Variants in USP44 observed in about 807,000 individuals in gnomAD.
The protein encoded by USP44 is ubiquitin carboxyl-terminal hydrolase 44.
A neutral mutation model predicts 69.0 loss-of-function variants in USP44; 61 were observed. The observed-to-expected ratio is 0.88, with a 90% CI of 0.72 to 1.09. The LOEUF (loss-of-function observed/expected upper bound fraction) is 1.09, where lower values mean the gene tolerates loss of function less well. USP44 is among the 50% of genes least tolerant of loss of function. USP44 has a pLI of 0.00. For missense variants in USP44, 753 were observed against 849.9 expected, an observed-to-expected ratio of 0.89 and a Z score of 1.42; for synonymous variants, 297 against 295.4, an observed-to-expected ratio of 1.01 and a Z score of -0.06.
At position 95,528,845 on chromosome 12, in the gene USP44, G is replaced by A; in HGVS notation, c.1586C>T (p.Ala529Val). 6.2e-7 allele frequency: 1 copy of A among 1,613,942 alleles called. No homozygotes were observed. The highest frequency in any genetic ancestry group is 1.7e-4 in the Middle Eastern group (1 of 6,040). Residue 529 changes from alanine to valine, a missense_variant, in exon 3 of 6, where the codon GCT becomes GTT. Ala to Val is a moderately conservative substitution (Grantham distance 64, BLOSUM62 0). Coordinates refer to ENST00000258499, the MANE Select transcript of USP44 (RefSeq NM_032147.5). ...EMLAKFTETE[A>V]LEGKIYVCDQ... ...ACATACGTAGATTTTTCCTTCTAAA[G>A]CTTCAGTTTCTGTAAATTTGGCCAA...
Position 95,517,246 on chromosome 12 carries a change from T to TA in USP44, c.*907dup, listed in dbSNP as rs1565793900. The TA allele has an allele frequency of 1.3e-5, 2 of 152,050 alleles. No homozygotes were observed. Among genetic ancestry groups the TA allele is most frequent in the African/African-American group, 4.8e-5 (2 of 41,384 alleles). The allele number at this position is 152,050 out of a possible 1,614,324, so 9.4% of individuals were successfully genotyped here. A position where few individuals can be genotyped will look rare whatever the true frequency, so the allele number is the denominator to read the frequency against. On this transcript the variant is annotated 3_prime_UTR_variant, in exon 6 of 6. Transcript: ENST00000258499. The stretch of plus-strand genomic sequence containing the variant: ...AGTCCAGTTGCCAATTTTGAACACT[T>TA]ATCTTTTCTGCCCTATAATTTTTTC...
At chr12:95,519,565 C>T (rs192600526) in intron 5 of USP44, among the ~76,000 whole-genome samples, 2,494 of 150,770 alleles carry the variant, frequency 0.017, 73 homozygotes, top group African/African-American at 0.058. Flanking sequence ...TCAGCCTCTC[C>T]GAGTAGCTGG....
chr12:95,526,741 T>A (rs961498913), intron 3 of USP44, among the ~76,000 whole-genome samples: 3 of 152,144 alleles, frequency 2.0e-5, no homozygotes, highest in African/African-American at 7.2e-5. Context: ...TTTAGTTATT[T>A]AAAGCCTTAG....
At chr12:95,537,597 A>G (rs1012591080) in intron 1 of USP44, among the ~76,000 whole-genome samples, 2 of 152,174 alleles carry the variant, frequency 1.3e-5, no homozygotes, top group African/African-American at 4.8e-5. Flanking sequence ...GATTACAGTC[A>G]TGAGCCACCA....
chr12:95,541,534 G>C lies in USP44; in HGVS notation c.-70-7208C>G, dbSNP rs112586189. On this transcript the variant is annotated intron_variant, in intron 1 of 5. Transcript: ENST00000258499. ...GGTCGAGGCTGCAGCGAGCCATGAT[G>C]GTGCCACTGTACTGCAGCCTCAGCA... 5.1e-4 allele frequency among the ~76,000 whole-genome samples: 77 copies of C among 151,998 alleles called. 1 individual carries two copies. The highest frequency in any genetic ancestry group is 1.8e-3 in the African/African-American group (75 of 41,436).
intron 5 of USP44, among the ~76,000 whole-genome samples, chr12:95,519,676 C>T (rs1338778974): frequency 1.3e-5 from 2 of 150,792 alleles, no homozygotes; most frequent in Non-Finnish European, 3.0e-5. Context: ...TCGTGATCCA[C>T]CCGCCTCGGC....
chr12:95,543,983 A>AG (rs1321560871), intron 1 of USP44, among the ~76,000 whole-genome samples: 6 of 148,898 alleles, frequency 4.0e-5, no homozygotes, highest in East Asian at 2.0e-4. Context: ...AAAAAAAAAA[A>AG]AAAAAAGAAA....
chr12:95,543,194 A>C (rs2077449048), intron 1 of USP44, among the ~76,000 whole-genome samples: 1 of 151,824 alleles, frequency 6.6e-6, no homozygotes, highest in Non-Finnish European at 1.5e-5. Flanking sequence ...TGAGGTCAGG[A>C]GTTCAAGACC....
intron 3 of USP44, 66 bp from the exon 4 acceptor site, chr12:95,524,854 C>A (rs111773307): frequency 4.6e-5 from 64 of 1,389,346 alleles, no homozygotes; most frequent in African/African-American, 2.0e-4. Flanking sequence ...GCTGAGTGAA[C>A]CTTCTTTTTA....
At chr12:95,521,350 T>C (rs2076656001) in intron 4 of USP44, 148 bp from the exon 5 acceptor site, 2 of 755,508 alleles carry the variant, frequency 2.6e-6, no homozygotes, top group South Asian at 3.7e-5. Context: ...TGAAGCTGGC[T>C]ATAAATGGAG....
In USP44 at chr12:95,542,287, G is replaced by A. The variant is rs545411911; in HGVS notation, c.-70-7961C>T. Among the ~76,000 whole-genome samples the A allele has an allele frequency of 5.9e-5, 9 of 152,296 alleles. No homozygotes were observed. The East Asian group carries it at 1.7e-3, about 29-fold the overall frequency. On this transcript the variant is annotated intron_variant, in intron 1 of 5. Transcript: ENST00000258499. Reference sequence around the variant, plus strand: ...TACATCCTTACTTTGCCACCTAACTGTTGGGTAGGCTCCTTATGGTCAGGA... The same window carrying A: ...TACATCCTTACTTTGCCACCTAACTATTGGGTAGGCTCCTTATGGTCAGGA...
chr12:95,543,936 C>T (rs1446210175), intron 1 of USP44, among the ~76,000 whole-genome samples: 1 of 112,282 alleles, frequency 8.9e-6, no homozygotes, highest in African/African-American at 3.5e-5. Flanking sequence ...CACTGCACTC[C>T]AGCCAGGGAG....
chr12:95,527,835 GCTTT>G (rs1380047443), intron 3 of USP44, among the ~76,000 whole-genome samples: 1 of 70,888 alleles, frequency 1.4e-5, no homozygotes, highest in African/African-American at 5.4e-5. Flanking sequence ...GGAGGAAGAT[GCTTT>G]TTTTTTTTTT....
chr12:95,546,761 C>T (rs1225374516), intron 1 of USP44: 7 of 152,102 alleles, frequency 4.6e-5, no homozygotes, highest in Admixed American at 3.9e-4. Flanking sequence ...TATCCTCTAC[C>T]ATTCAAAACC....
intron 4 of USP44, among the ~76,000 whole-genome samples, chr12:95,524,075 G>T (rs2076754301): frequency 6.6e-6 from 1 of 151,644 alleles, no homozygotes; most frequent in African/African-American, 2.4e-5. Context: ...GTTTATGTAT[G>T]TATGTACGTA....
At chr12:95,542,800 A>C (rs544624830) in intron 1 of USP44, among the ~76,000 whole-genome samples, 2 of 149,366 alleles carry the variant, frequency 1.3e-5, no homozygotes, top group African/African-American at 2.5e-5. Flanking sequence ...TGAAAATAGT[A>C]AGTCCTTGGC....
intron 3 of USP44, among the ~76,000 whole-genome samples, chr12:95,527,616 C>T (rs2076885989): frequency 6.6e-6 from 1 of 151,424 alleles, no homozygotes; most frequent in Non-Finnish European, 1.5e-5. Flanking sequence ...TCCCAAGTAG[C>T]TGGGATTACA....
intron 3 of USP44, among the ~76,000 whole-genome samples, chr12:95,526,511 G>C (rs560083237): frequency 6.6e-6 from 1 of 152,302 alleles, no homozygotes; most frequent in South Asian, 2.1e-4. Flanking sequence ...GGCGGAGCTT[G>C]CAGTGAGCCG....
At position 95,520,973 on chromosome 12, in the gene USP44, T is replaced by C. The variant is rs181093480; in HGVS notation, c.1939+24A>G. On this transcript the variant is annotated intron_variant, in intron 5 of 5. Transcript: ENST00000258499. ...TCCAGCCTCCAAGTCCAACCCAAGA[T>C]AAAATACTTTTTCTTATCTATACCT... is the stretch of plus-strand genomic sequence containing the variant. 1.9e-6 allele frequency: 3 copies of C among 1,608,254 alleles called. No individual in the cohort carries two copies. In the Admixed American group the frequency reaches 5.0e-5, roughly 27 times the overall value.
Sources: gnomAD v4.1 joint callset for allele counts (sites outside exome capture counted in the v4.1 genomes callset) on GRCh38, gnomAD v4.1.1 for gene constraint, MANE v1.5 for transcripts, NCBI Gene and HGNC (gene_info 2026-07-23, HGNC 2026-07-21) for gene names.